The following PLXNC1 variants were observed in gnomAD, a reference collection of about 807,000 sequenced individuals.
PLXNC1 encodes the protein plexin-C1.
A neutral mutation model predicts 178.2 loss-of-function variants in PLXNC1; 75 were observed. The ratio of observed to expected loss-of-function variants is 0.42; its 90% confidence interval spans 0.35 to 0.51. The LOEUF (loss-of-function observed/expected upper bound fraction) is 0.51. Among genes scored for constraint, PLXNC1 ranks in the 20% least tolerant of loss-of-function variants. The probability of loss-of-function intolerance (pLI) is 0.02; values close to 1 mark genes in which losing one functional copy is unlikely to be tolerated. For synonymous variants in PLXNC1, 790 were observed against 779.9 expected (o/e 1.01, Z -0.22); for missense variants, 1,503 against 1,984.4 (o/e 0.76, Z 4.61).
chr12:94,182,833 G>C (rs886934405), intron 3 of PLXNC1, among the ~76,000 whole-genome samples: 1 of 151,984 alleles, frequency 6.6e-6, no homozygotes, highest in East Asian at 1.9e-4. Context: ...ACTTGGAGAG[G>C]TTAAATAACT....
At chr12:94,153,793 A>G (rs747165581) in intron 1 of PLXNC1, among the ~76,000 whole-genome samples, 175 of 152,324 alleles carry the variant, frequency 1.1e-3, no homozygotes, top group Non-Finnish European at 2.1e-3. Flanking sequence ...CTAAAGCCTG[A>G]CATAATTTAA....
chr12:94,245,968 A>G (rs1964518193), intron 12 of PLXNC1, among the ~76,000 whole-genome samples: 1 of 152,220 alleles, frequency 6.6e-6, no homozygotes, highest in Admixed American at 6.5e-5. Context: ...AATTAGTGAC[A>G]ATGAAAGCAG....
At chr12:94,214,161 T>G (rs1159524716) in intron 5 of PLXNC1, among the ~76,000 whole-genome samples, 4 of 151,974 alleles carry the variant, frequency 2.6e-5, no homozygotes. Context: ...CATAATTTAC[T>G]GCAGCCTCGA....
intron 4 of PLXNC1, among the ~76,000 whole-genome samples, chr12:94,209,020 G>T (rs945248814): frequency 6.6e-6 from 1 of 152,190 alleles, no homozygotes; most frequent in South Asian, 2.1e-4. Context: ...CTAAATAAAT[G>T]GTATGTAGCA....
At chr12:94,251,191 G>A (rs1565831236) in intron 14 of PLXNC1, among the ~76,000 whole-genome samples, 1 of 152,182 alleles carries the variant, frequency 6.6e-6, no homozygotes, top group African/African-American at 2.4e-5. Flanking sequence ...TTAAGACTCT[G>A]AGGGTCTAGT....
Position 94,220,155 on chromosome 12 carries a change from C to T in PLXNC1, c.1694C>T (p.Thr565Ile). 1.2e-6 allele frequency: 2 copies of T among 1,613,390 alleles called. No homozygotes were observed. The highest frequency in any genetic ancestry group is 1.3e-5 in the African/African-American group (1 of 74,960). The stretch of plus-strand genomic sequence containing the variant: ...ACCTGTAGCATCCCAACCAGAGCAA[C>T]CTACAAAGGTATGTGGATTCTTCTG... ...TCTCSIPTRATYKDVSVVNVM... is the reference protein window; with the variant it reads ...TCTCSIPTRAIYKDVSVVNVM... The change falls in exon 6 of 31, where the codon ACC (threonine) becomes ATC (isoleucine). Residue 565 changes from threonine to isoleucine, a missense_variant. Transcript: ENST00000258526.
chr12:94,250,696 C>T (rs890497988), intron 14 of PLXNC1, among the ~76,000 whole-genome samples: 3 of 152,134 alleles, frequency 2.0e-5, no homozygotes, highest in African/African-American at 7.2e-5. Context: ...TCAGCACTGC[C>T]AATCTGGTTT....
At chr12:94,232,394 A>G (rs772131307) in intron 9 of PLXNC1, among the ~76,000 whole-genome samples, 3 of 152,164 alleles carry the variant, frequency 2.0e-5, no homozygotes, top group Admixed American at 1.3e-4. Context: ...CGGCCCCTCC[A>G]TCACTTTTGA....
intron 8 of PLXNC1, among the ~76,000 whole-genome samples, 172 bp downstream of exon 8, chr12:94,226,879 G>A (rs1021810885): frequency 3.3e-5 from 5 of 152,068 alleles, no homozygotes; most frequent in African/African-American, 9.7e-5. Flanking sequence ...CAAAGTTAGT[G>A]GGGTGTGGTG....
At chr12:94,201,162 A>C (rs1592758697) in intron 4 of PLXNC1, among the ~76,000 whole-genome samples, 1 of 152,242 alleles carries the variant, frequency 6.6e-6, no homozygotes, top group Non-Finnish European at 1.5e-5. Flanking sequence ...AAAATGCTCT[A>C]ATAGCTGGTA....
chr12:94,301,696 G>A (rs146208842), intron 28 of PLXNC1, among the ~76,000 whole-genome samples: 1 of 152,260 alleles, frequency 6.6e-6, no homozygotes, highest in East Asian at 1.9e-4. Context: ...TTCTTGGGCA[G>A]GACTTTAAGA....
chr12:94,202,904 T>C (rs1963184016), intron 4 of PLXNC1, among the ~76,000 whole-genome samples: 1 of 152,136 alleles, frequency 6.6e-6, no homozygotes, highest in Admixed American at 6.5e-5. Flanking sequence ...CTGAAAGGCA[T>C]GTAGACAGGA....
intron 2 of PLXNC1, among the ~76,000 whole-genome samples, chr12:94,180,687 T>C (rs1962273290): frequency 6.6e-6 from 1 of 152,238 alleles, no homozygotes; most frequent in South Asian, 2.1e-4. Context: ...ACAAACCTAC[T>C]TGTCTGTATC....
intron 4 of PLXNC1, 55 bp downstream of exon 4, chr12:94,186,528 CAG>C (rs1962515167): frequency 8.9e-7 from 1 of 1,118,008 alleles, no homozygotes; most frequent in Non-Finnish European, 1.4e-6. Flanking sequence ...TGTCATGCGG[CAG>C]AACACTTGTT....
chr12:94,255,108 C>A, intron 16 of PLXNC1, 85 bp from the exon 17 acceptor site: 1 of 1,117,850 alleles, frequency 8.9e-7, no homozygotes, highest in Non-Finnish European at 1.4e-6. Flanking sequence ...AAACCAAGGT[C>A]ATACTCTGTG....
At chr12:94,273,305 G>A (rs1459251159) in intron 21 of PLXNC1, among the ~76,000 whole-genome samples, 1 of 152,136 alleles carries the variant, frequency 6.6e-6, no homozygotes, top group Non-Finnish European at 1.5e-5. Flanking sequence ...AGGCAGGCCT[G>A]GGCTACAAGT....
At position 94,265,076 on chromosome 12, in the gene PLXNC1, A is replaced by C. The variant is rs1965163936; in HGVS notation, c.3451-3A>C. The C allele has an allele frequency of 6.2e-7, 1 of 1,613,846 alleles. No individual in the cohort carries two copies. Among genetic ancestry groups the C allele is most frequent in the Non-Finnish European group, 8.5e-7 (1 of 1,179,896 alleles). ...TAACTGTCACTTTTGTGTCTTTTCC[A>C]AGGAGACTGTCGGAGAGCCCTTCTA... On this transcript the variant is annotated splice_polypyrimidine_tract_variant and splice_region_variant and intron_variant, in intron 20 of 30. Transcript: ENST00000258526.
At chr12:94,267,731 A>G (rs1186804835) in intron 21 of PLXNC1, among the ~76,000 whole-genome samples, 2 of 152,178 alleles carry the variant, frequency 1.3e-5, no homozygotes, top group African/African-American at 4.8e-5. Flanking sequence ...CTTGTGTGAC[A>G]AACTGTTAGC....
chr12:94,164,317 A>C (rs1447693933), intron 1 of PLXNC1, among the ~76,000 whole-genome samples: 1 of 152,234 alleles, frequency 6.6e-6, no homozygotes, highest in Non-Finnish European at 1.5e-5. Flanking sequence ...ATCAACATAC[A>C]GGAATCCTTT....
Sources: gnomAD v4.1 joint callset for allele counts (sites outside exome capture counted in the v4.1 genomes callset) on GRCh38, gnomAD v4.1.1 for gene constraint, MANE v1.5 for transcripts, NCBI Gene and HGNC (gene_info 2026-07-23, HGNC 2026-07-21) for gene names.